Variants in USP7 observed in about 807,000 individuals in gnomAD.
USP7 encodes the protein ubiquitin specific peptidase 7.
In USP7, 9 loss-of-function variants were observed where a neutral mutation model predicts 162.9. That is an observed-to-expected ratio of 0.06 (90% CI 0.03 to 0.10). The LOEUF is 0.10. Among genes scored for constraint, USP7 ranks in the 10% least tolerant of loss-of-function variants. The probability of loss-of-function intolerance (pLI) is 1.00; values close to 1 mark genes in which losing one functional copy is unlikely to be tolerated. For synonymous variants in USP7, 562 were observed against 475.9 expected, an observed-to-expected ratio of 1.18 and a Z score of -2.35; for missense variants, 715 against 1,373.7, an observed-to-expected ratio of 0.52 and a Z score of 7.58.
intron 1 of USP7, among the ~76,000 whole-genome samples, chr16:8,958,414 G>A (rs1367717254): frequency 6.6e-6 from 1 of 152,226 alleles, no homozygotes; most frequent in Non-Finnish European, 1.5e-5. Context: ...GAGAAGGCAG[G>A]ACACCAAGTC....
intron 1 of USP7, among the ~76,000 whole-genome samples, chr16:8,939,926 C>T (rs961938659): frequency 5.9e-5 from 9 of 152,094 alleles, no homozygotes; most frequent in Non-Finnish European, 8.8e-5. Context: ...GGTGAAACCC[C>T]GACTCTACTA....
In USP7 at chr16:8,910,734, A is replaced by T. The variant is rs2061933367; in HGVS notation, c.1161+11T>A. On this transcript the variant is annotated intron_variant, in intron 11 of 30. Coordinates refer to ENST00000344836, the MANE Select transcript of USP7 (RefSeq NM_003470.3). ...CTACAACAGGACACTAGCACAAAAC[A>T]CTCAATTTACCTGTAAGCCATGTTC... The T allele has an allele frequency of 6.2e-7, 1 of 1,612,890 alleles. No homozygotes were observed. Among genetic ancestry groups the T allele is most frequent in the African/African-American group, 1.3e-5 (1 of 74,862 alleles).
chr16:8,914,359 C>T (rs1321075098), intron 10 of USP7, among the ~76,000 whole-genome samples: 5 of 151,778 alleles, frequency 3.3e-5, no homozygotes, highest in Non-Finnish European at 7.4e-5. Flanking sequence ...TTGGGAATCT[C>T]GCTAACTTGA....
chr16:8,963,335 C>A lies in USP7; in HGVS notation c.-50G>T. 2 of 803,634 alleles carry A rather than the reference C, an allele frequency of 2.5e-6. No individual in the cohort carries two copies. The highest frequency in any genetic ancestry group is 3.0e-6 in the Non-Finnish European group (2 of 662,136). The allele number at this position is 803,634 out of a possible 1,614,324, so 49.8% of individuals were successfully genotyped here. ...TGCGGCCGGGGGCCGGGGCTGCGAG[C>A]CCGGCGGGCGGGCGGCGGCGAGCCG... is the stretch of plus-strand genomic sequence containing the variant. On this transcript the variant is annotated 5_prime_UTR_variant, in exon 1 of 31. Coordinates refer to ENST00000344836, the MANE Select transcript of USP7 (RefSeq NM_003470.3).
intron 5 of USP7, 46 bp downstream of exon 5, chr16:8,920,313 A>G (rs1897617894): frequency 6.6e-7 from 1 of 1,519,262 alleles, no homozygotes; most frequent in Non-Finnish European, 9.0e-7. Flanking sequence ...CTTTCACTGC[A>G]GCACAAAAGA....
At position 8,925,485 on chromosome 16, in the gene USP7, C is replaced by CA. The variant is rs202093533; in HGVS notation, c.185-2073dup. On this transcript the variant is annotated intron_variant, in intron 2 of 30. Transcript: ENST00000344836. ...TTTACAGGGTTTGATTTTATGTATACAAAATCAATACATATTGTAAGTGCT... is the reference window on the plus strand; with the variant it reads ...TTTACAGGGTTTGATTTTATGTATACAAAAATCAATACATATTGTAAGTGCT... Among the ~76,000 whole-genome samples, 56 of 152,264 alleles carry CA rather than the reference C, an allele frequency of 3.7e-4. No individual in the cohort carries two copies. In the East Asian group the frequency reaches 6.0e-3, roughly 16 times the overall value.
intron 2 of USP7, 76 bp downstream of exon 2, chr16:8,930,217 A>G (rs1208977064): frequency 1.8e-6 from 2 of 1,128,762 alleles, no homozygotes; most frequent in Non-Finnish European, 1.3e-6. Context: ...GTACCCAAGA[A>G]GTACCAAGCA....
intron 23 of USP7, 113 bp downstream of exon 23, chr16:8,899,008 T>C (rs1015256451): frequency 2.7e-6 from 3 of 1,117,864 alleles, no homozygotes; most frequent in Admixed American, 1.9e-5. Flanking sequence ...AAGCAAGAAA[T>C]GGACTGTCAG....
rs1190733369 is a variant in USP7, at chr16:8,896,980, G to C, written c.2819+19C>G. 1 of 1,594,390 alleles carries C rather than the reference G, an allele frequency of 6.3e-7. No individual in the cohort carries two copies. The highest frequency in any genetic ancestry group is 1.7e-5 in the Admixed American group (1 of 59,958). On this transcript the variant is annotated intron_variant, in intron 26 of 30. Transcript: ENST00000344836. ...CACCCCTAACTGAACGTCCACAATT[G>C]GGCTCAAGAAATACTTGCCTAAGTT...
At chr16:8,906,642 T>C (rs564237334) in intron 12 of USP7, 60 bp from the exon 13 acceptor site, 65 of 1,525,412 alleles carry the variant, frequency 4.3e-5, no homozygotes, top group Middle Eastern at 4.3e-4. Flanking sequence ...TATCACACTT[T>C]ACAGTAAGTA....
rs1004872625 is a variant in USP7 at position 8,916,988 on chromosome 16, A to G, written c.851+38T>C. 4.0e-6 allele frequency: 6 copies of G among 1,483,704 alleles called. No individual in the cohort carries two copies. In the Middle Eastern group the frequency reaches 8.2e-4, roughly 202 times the overall value. 91.9% of individuals were successfully genotyped at this position (1,483,704 alleles called of 1,614,324 possible). A position where few individuals can be genotyped will look rare whatever the true frequency, so the allele number is the denominator to read the frequency against. ...TTGTCCTAAAAAAAAAAAAAAAAAG[A>G]GGAAGCAGAATGGCAAAGGCAGATG... is the stretch of plus-strand genomic sequence containing the variant. On this transcript the variant is annotated intron_variant, in intron 7 of 30. Transcript: ENST00000344836.
chr16:8,919,163 G>A, intron 5 of USP7, 24 bp from the exon 6 acceptor site: 1 of 1,611,958 alleles, frequency 6.2e-7, no homozygotes, highest in South Asian at 1.1e-5. Context: ...TCAAGGTTGA[G>A]GGGATCTTGC....
At position 8,906,468 on chromosome 16, in the gene USP7, A is replaced by G. The variant is rs541848444; in HGVS notation, c.1386T>C (p.Gly462=). The G allele has an allele frequency of 1.2e-6, 2 of 1,612,510 alleles. No homozygotes were observed. Among genetic ancestry groups the G allele is most frequent in the Admixed American group, 3.3e-5 (2 of 60,030 alleles). Residue 462 remains glycine (G), a synonymous_variant, in exon 13 of 31, where the codon GGT becomes GGC. Coordinates refer to ENST00000344836, the MANE Select transcript of USP7 (RefSeq NM_003470.3). ...GGTTTAGATAAACCACATAATGTCC[A>G]CCATGATTATCTCCACTATGAACCA... ...AVLVHSGDNH[G]GHYVVYLNPK...
chr16:8,921,337 C>T lies in USP7; in HGVS notation c.384-42G>A, dbSNP rs1474864321. ...TCTGAGCCTTAGTTGACATTATTTA[C>T]CAGATGTTATACATTTTTAAAGACA... On this transcript the variant is annotated intron_variant, in intron 3 of 30. Transcript: ENST00000344836. 3 of 1,597,492 alleles carry T rather than the reference C, an allele frequency of 1.9e-6. No homozygotes were observed. The African/African-American group carries it at 4.0e-5, about 21-fold the overall frequency.
At chr16:8,894,876 T>G (rs1324208558) in intron 28 of USP7, 21 bp from the exon 29 acceptor site, 3 of 1,614,052 alleles carry the variant, frequency 1.9e-6, no homozygotes, top group South Asian at 1.1e-5. Context: ...AAAGGACATG[T>G]GCTCACACAG....
intron 1 of USP7, among the ~76,000 whole-genome samples, chr16:8,942,335 C>T (rs371100332): frequency 6.6e-6 from 1 of 152,162 alleles, no homozygotes; most frequent in East Asian, 1.9e-4. Flanking sequence ...ATCCTGGTAC[C>T]AGCCCTTGCC....
intron 11 of USP7, among the ~76,000 whole-genome samples, chr16:8,910,484 C>T (rs1024508640): frequency 3.9e-5 from 6 of 152,230 alleles, no homozygotes; most frequent in African/African-American, 1.4e-4. Context: ...AGGTGAGGAA[C>T]GGGGAAAGGA....
At chr16:8,963,134 T>A (rs923669960) in intron 1 of USP7, 73 bp downstream of exon 1, 2 of 1,284,712 alleles carry the variant, frequency 1.6e-6, no homozygotes, top group African/African-American at 3.2e-5. Flanking sequence ...GCCCCTCGCG[T>A]GGCTCCCGCG....
In USP7 at chr16:8,923,407, C is replaced by G; in HGVS notation, c.191G>C (p.Ser64Thr). The part of the protein sequence containing the change: ...TAEEDMEDDT[S>T]WRSEATFQFT... ...CTGAAAGGTTGCCTCGGAGCGCCAA[C>G]TGGTGTCTGCAAAAAAAACACATCA... The change falls in exon 3 of 31, where the codon AGT becomes ACT. Residue 64 changes from serine (S) to threonine (T), a missense_variant. By Grantham distance (58) the Ser-to-Thr change is moderately conservative. Transcript: ENST00000344836. The G allele has an allele frequency of 1.2e-6, 2 of 1,614,054 alleles. No homozygotes were observed. Among genetic ancestry groups the G allele is most frequent in the Non-Finnish European group, 1.7e-6 (2 of 1,179,948 alleles).
Sources: gnomAD v4.1 joint callset for allele counts (sites outside exome capture counted in the v4.1 genomes callset) on GRCh38, gnomAD v4.1.1 for gene constraint, MANE v1.5 for transcripts, NCBI Gene and HGNC (gene_info 2026-07-23, HGNC 2026-07-21) for gene names.